The following MAP7D1 variants were observed in gnomAD, a reference collection of about 807,000 sequenced individuals.
The protein encoded by MAP7D1 is MAP7 domain containing 1.
Under a neutral mutation model 97.5 loss-of-function variants are expected in MAP7D1, and 30 were observed. The observed-to-expected ratio is 0.31, with a 90% CI of 0.23 to 0.42. The LOEUF (loss-of-function observed/expected upper bound fraction) is 0.42. Among genes scored for constraint, MAP7D1 ranks in the 10% least tolerant of loss-of-function variants. The pLI is 1.00. For synonymous variants in MAP7D1, 536 were observed against 477.1 expected (o/e 1.12, Z -1.61); for missense variants, 1,184 against 1,179.5 (o/e 1.00, Z -0.06).
chr1:36,168,645 AG>A (rs1263444203), intron 1 of MAP7D1, among the ~76,000 whole-genome samples: 5 of 152,138 alleles, frequency 3.3e-5, no homozygotes, highest in Non-Finnish European at 7.4e-5. Context: ...GTAATGGGGA[AG>A]ACAGGGCCTC....
intron 5 of MAP7D1, among the ~76,000 whole-genome samples, chr1:36,174,451 C>T (rs894281360): frequency 3.3e-5 from 5 of 152,184 alleles, no homozygotes; most frequent in Admixed American, 6.5e-5. Context: ...TGGATGAACA[C>T]GTGGATTTGT....
rs967216955 is a variant in MAP7D1, at chr1:36,172,586, G to A, written c.583G>A (p.Ala195Thr). ...TCTTAAAGCCGAGCAACGCCGTGCA[G>A]CCCTGGAGGAACGGCAGCGGCAGAA... ...QRLKAEQRRA[A>T]LEERQRQKLE... The change falls in exon 4 of 17, where the codon GCC (alanine) becomes ACC (threonine). Residue 195 changes from alanine to threonine, a missense_variant. Physicochemically the swap from Ala to Thr is moderately conservative, Grantham distance 58. Transcript: ENST00000474796. 6.3e-6 allele frequency: 10 copies of A among 1,580,596 alleles called. No homozygotes were observed. Among genetic ancestry groups the A allele is most frequent in the Non-Finnish European group, 8.7e-6 (10 of 1,153,962 alleles).
In MAP7D1 at chr1:36,179,501, C is replaced by T. The variant is rs1419017255; in HGVS notation, c.2185-14C>T. 6.3e-7 allele frequency: 1 copy of T among 1,580,544 alleles called. No homozygotes were observed. On this transcript the variant is annotated splice_polypyrimidine_tract_variant and intron_variant, in intron 13 of 16. Transcript: ENST00000474796. ...CTGTCCCTTGAGCCTGACTGCTCTT[C>T]CTCTTCAAAGCAGAAGCAGGACAGC...
chr1:36,177,828 G>A, intron 8 of MAP7D1, 45 bp from the exon 9 acceptor site: 2 of 1,520,922 alleles, frequency 1.3e-6, no homozygotes, highest in Non-Finnish European at 1.8e-6. Context: ...CTCAGCGTGT[G>A]GGTGTGTGTG....
chr1:36,167,260 A>G (rs532342391), intron 1 of MAP7D1, among the ~76,000 whole-genome samples: 2 of 152,348 alleles, frequency 1.3e-5, no homozygotes, highest in South Asian at 4.1e-4. Context: ...AATGACAGTC[A>G]GCAAGGTAGA....
Position 36,176,322 on chromosome 1 carries a change from G to T in MAP7D1, c.974G>T (p.Gly325Val). 1 of 1,545,624 alleles carries T rather than the reference G, an allele frequency of 6.5e-7. No individual in the cohort carries two copies. ...CTGCCCCGCAACGGCCGGGACCAGG[G>T]TAGGGGCTGCGACCCTGGGAGAGGC... ...VTLPRNGRDQ[G>V]RGCDPGRGPT... Residue 325 changes from glycine to valine, a missense_variant, in exon 7 of 17, where the codon GGT (glycine) becomes GTT (valine). Physicochemically the swap from Gly to Val is moderately radical, Grantham distance 109. Transcript: ENST00000474796. The surrounding 1 kb of genome is among the most constrained non-coding windows in gnomAD (Gnocchi z 6.1).
At position 36,171,142 on chromosome 1, in the gene MAP7D1, G is replaced by C. The variant is rs1422489655; in HGVS notation, c.218G>C (p.Gly73Ala). Residue 73 changes from glycine to alanine, a missense_variant, in exon 2 of 17, where the codon GGG (glycine) becomes GCG (alanine). Transcript: ENST00000474796. ...QLPLEPESPS[G>A]QVGPRPAPPQ... ...CCACTGGAACCAGAGAGCCCCTCAGGGCAGGTCGGGCCTAGGCCAGCCCCC... is the reference window on the plus strand; with the variant it reads ...CCACTGGAACCAGAGAGCCCCTCAGCGCAGGTCGGGCCTAGGCCAGCCCCC... The C allele has an allele frequency of 1.2e-6, 2 of 1,613,828 alleles. No individual in the cohort carries two copies. Among genetic ancestry groups the C allele is most frequent in the Non-Finnish European group, 1.7e-6 (2 of 1,179,970 alleles).
In MAP7D1 at chr1:36,178,809, C is replaced by T. The variant is rs1255541129; in HGVS notation, c.2011C>T (p.Arg671Trp). 8 of 1,545,566 alleles carry T rather than the reference C, an allele frequency of 5.2e-6. No homozygotes were observed. Among genetic ancestry groups the T allele is most frequent in the Admixed American group, 2.0e-5 (1 of 50,400 alleles). Reference protein sequence around the residue: ...KAQAEQEEQERLQKQKEEAEA... With the variant: ...KAQAEQEEQEWLQKQKEEAEA... Reference sequence around the variant, plus strand: ...GCAGGCCGAGCAGGAGGAGCAGGAGCGGCTGCAGAAGCAGGTGCCCCCGGC... The same window carrying T: ...GCAGGCCGAGCAGGAGGAGCAGGAGTGGCTGCAGAAGCAGGTGCCCCCGGC... Residue 671 changes from arginine to tryptophan, a missense_variant, in exon 11 of 17, where the codon CGG becomes TGG. Arg to Trp is a moderately radical substitution (Grantham distance 101). Coordinates refer to ENST00000474796, the MANE Select transcript of MAP7D1 (RefSeq NM_001388490.1).
At position 36,178,184 on chromosome 1, in the gene MAP7D1, C is replaced by T; in HGVS notation, c.1691C>T (p.Pro564Leu). ...TPAPPQKEQP[P>L]AETPTDAAVL... ...GCCCCGCCCCAGAAGGAGCAGCCCC[C>T]CGCGGAGACCCCTACAGGTAGGAAT... Residue 564 changes from proline (P) to leucine (L), a missense_variant, in exon 9 of 17, where the codon CCC becomes CTC. Physicochemically the swap from Pro to Leu is moderately conservative, Grantham distance 98. Transcript: ENST00000474796. 1.3e-6 allele frequency: 2 copies of T among 1,571,502 alleles called. No individual in the cohort carries two copies.
At chr1:36,162,761 T>G (rs1045089710) in intron 1 of MAP7D1, among the ~76,000 whole-genome samples, 33 of 152,118 alleles carry the variant, frequency 2.2e-4, no homozygotes, top group Non-Finnish European at 1.6e-4. Flanking sequence ...TGGAGCAGCT[T>G]GAGGGTCTAA....
chr1:36,175,065 T>G (rs1468084995), intron 6 of MAP7D1, 57 bp downstream of exon 6: 11 of 1,171,908 alleles, frequency 9.4e-6, no homozygotes, highest in Non-Finnish European at 1.4e-5. Flanking sequence ...CCACCAAGCC[T>G]CCTCCAGAGC....
At chr1:36,162,602 T>C (rs1385649992) in intron 1 of MAP7D1, among the ~76,000 whole-genome samples, 1 of 152,230 alleles carries the variant, frequency 6.6e-6, no homozygotes, top group Non-Finnish European at 1.5e-5. Context: ...AGAACTTTCC[T>C]TTTAGGATTG....
chr1:36,171,634 A>G (rs1644545061), intron 3 of MAP7D1, 53 bp downstream of exon 3: 2 of 1,590,608 alleles, frequency 1.3e-6, no homozygotes, highest in Non-Finnish European at 1.7e-6. Flanking sequence ...TCAGCATCCT[A>G]TTAATAACAC....
chr1:36,171,933 TCA>T, intron 3 of MAP7D1: 1 of 8,970 alleles, frequency 1.1e-4, no homozygotes, highest in African/African-American at 3.7e-4. Flanking sequence ...AAACTCCGTC[TCA>T]AAAAAAAAAA....
rs781776095 is a variant in MAP7D1, at chr1:36,177,992, C to T, written c.1499C>T (p.Thr500Ile). ...CCAAAGCCACCGTCCCCCCGAGGCACCACTGCATCCCCCAAGGGGCGGGTT... is the reference window on the plus strand; with the variant it reads ...CCAAAGCCACCGTCCCCCCGAGGCATCACTGCATCCCCCAAGGGGCGGGTT... The part of the protein sequence containing the change: ...LPPKPPSPRG[T>I]TASPKGRVRR... The change falls in exon 9 of 17, where the codon ACC becomes ATC. Residue 500 changes from threonine (T) to isoleucine (I), a missense_variant. Physicochemically the swap from Thr to Ile is moderately conservative, Grantham distance 89 (BLOSUM62 -1). Transcript: ENST00000474796. 6.2e-7 allele frequency: 1 copy of T among 1,612,426 alleles called. No homozygotes were observed.
intron 1 of MAP7D1, among the ~76,000 whole-genome samples, chr1:36,164,888 T>A (rs1237763334): frequency 6.6e-6 from 1 of 152,150 alleles, no homozygotes; most frequent in Non-Finnish European, 1.5e-5. Flanking sequence ...CTGGGTGTAG[T>A]TCATTCATTT....
chr1:36,176,351 A>G lies in MAP7D1; in HGVS notation c.1003A>G (p.Thr335Ala). ...GRGCDPGRGPTWGRAGASLAR... is the reference protein window; with the variant it reads ...GRGCDPGRGPAWGRAGASLAR... ...GGGCTGCGACCCTGGGAGAGGCCCC[A>G]CGTGGGGCCGGGCAGGGGCCAGCCT... The change falls in exon 7 of 17, where the codon ACG (threonine) becomes GCG (alanine). Residue 335 changes from threonine to alanine, a missense_variant. By Grantham distance (58) the Thr-to-Ala change is moderately conservative (BLOSUM62 0). Coordinates refer to ENST00000474796, the MANE Select transcript of MAP7D1 (RefSeq NM_001388490.1). The surrounding 1 kb of genome is among the most constrained non-coding windows in gnomAD (Gnocchi z 6.1). The G allele has an allele frequency of 6.5e-7, 1 of 1,527,070 alleles. No individual in the cohort carries two copies. Among genetic ancestry groups the G allele is most frequent in the Non-Finnish European group, 8.8e-7 (1 of 1,140,436 alleles). 94.6% of individuals were successfully genotyped at this position (1,527,070 alleles called of 1,614,324 possible). A position where few individuals can be genotyped will look rare whatever the true frequency, so the allele number is the denominator to read the frequency against.
chr1:36,165,504 C>T (rs1470325428), intron 1 of MAP7D1, among the ~76,000 whole-genome samples: 1 of 149,608 alleles, frequency 6.7e-6, no homozygotes, highest in Admixed American at 6.7e-5. Context: ...GCTTTGTCAC[C>T]CAGGCTGGAG....
chr1:36,177,673 T>C (rs1338632343), intron 8 of MAP7D1, 200 bp from the exon 9 acceptor site: 4 of 847,456 alleles, frequency 4.7e-6, no homozygotes, highest in Non-Finnish European at 7.4e-6. Context: ...CATACAATAA[T>C]CAAAGAATCC....
Sources: allele counts gnomAD v4.1 joint callset (sites outside exome capture counted in the v4.1 genomes callset), GRCh38; gene constraint gnomAD v4.1.1; non-coding constraint Gnocchi (gnomAD v3.1); transcripts MANE v1.5; gene names NCBI Gene and HGNC (gene_info 2026-07-23, HGNC 2026-07-21).